The following SLC27A1 variants were observed in gnomAD, a reference collection of about 807,000 sequenced individuals.
SLC27A1 encodes the protein long-chain fatty acid transport protein 1.
A neutral mutation model predicts 62.2 loss-of-function variants in SLC27A1; 61 were observed. The ratio of observed to expected loss-of-function variants is 0.98; its 90% CI spans 0.80 to 1.21. The LOEUF (loss-of-function observed/expected upper bound fraction) is 1.21. SLC27A1 is among the 50% of genes most tolerant of loss of function. The pLI is 0.00. For synonymous variants in SLC27A1, 435 were observed against 408.6 expected, an observed-to-expected ratio of 1.06 and a Z score of -0.78; for missense variants, 903 against 932.1, an observed-to-expected ratio of 0.97 and a Z score of 0.41.
intron 6 of SLC27A1, among the ~76,000 whole-genome samples, chr19:17,491,927 C>G (rs2075298195): frequency 6.6e-6 from 1 of 151,998 alleles, no homozygotes; most frequent in African/African-American, 2.4e-5. Flanking sequence ...TCTGTAGGTG[C>G]CTTTTCTCTT....
intron 1 of SLC27A1, among the ~76,000 whole-genome samples, chr19:17,485,948 C>T (rs933419023): frequency 2.0e-5 from 3 of 152,228 alleles, no homozygotes; most frequent in African/African-American, 4.8e-5. Flanking sequence ...TCCCTGGGGC[C>T]TCTGCCCGTT....
chr19:17,487,816 C>T (rs1327104559), intron 4 of SLC27A1, among the ~76,000 whole-genome samples: 1 of 152,068 alleles, frequency 6.6e-6, no homozygotes, highest in African/African-American at 2.4e-5. Context: ...TCTGGGGCCC[C>T]TCTCATCCCC....
chr19:17,500,832 T>C lies in SLC27A1; in HGVS notation c.1592T>C (p.Leu531Pro), dbSNP rs1486308886. Residue 531 changes from leucine to proline, a missense_variant, in exon 10 of 12, where the codon CTG (leucine) becomes CCG (proline). Physicochemically the swap from Leu to Pro is moderately conservative, Grantham distance 98. Coordinates refer to ENST00000252595, the MANE Select transcript of SLC27A1 (RefSeq NM_198580.3). ...TTEVEGVLSR[L>P]LGQTDVAVYG... ...GAGGTGGAGGGCGTGCTGAGCCGCCTGCTGGGCCAGACAGACGTGGCCGTC... is the reference window on the plus strand; with the variant it reads ...GAGGTGGAGGGCGTGCTGAGCCGCCCGCTGGGCCAGACAGACGTGGCCGTC... The C allele has an allele frequency of 1.2e-6, 2 of 1,610,968 alleles. No individual in the cohort carries two copies. The highest frequency in any genetic ancestry group is 1.7e-6 in the Non-Finnish European group (2 of 1,179,130).
chr19:17,501,423 C>A lies in SLC27A1; in HGVS notation c.1783+4C>A. On this transcript the variant is annotated splice_donor_region_variant and intron_variant, in intron 11 of 11. Coordinates refer to ENST00000252595, the MANE Select transcript of SLC27A1 (RefSeq NM_198580.3). ...CTGCCCCAGGTGGACACCACAGGTGCGAGTCTCCCCCACTCCAATCTCTCT... is the reference window on the plus strand; with the variant it reads ...CTGCCCCAGGTGGACACCACAGGTGAGAGTCTCCCCCACTCCAATCTCTCT... The A allele has an allele frequency of 6.2e-7, 1 of 1,611,116 alleles. No individual in the cohort carries two copies. The highest frequency in any genetic ancestry group is 1.1e-5 in the South Asian group (1 of 90,882).
At chr19:17,501,164 G>A in intron 10 of SLC27A1, 109 bp from the exon 11 acceptor site, 1 of 1,448,938 alleles carries the variant, frequency 6.9e-7, no homozygotes, top group Non-Finnish European at 9.3e-7. Context: ...ATCCCAGGTT[G>A]GGAGAGACTG....
rs776801460 is a variant in SLC27A1 at position 17,501,433 on chromosome 19, C to T, written c.1783+14C>T. ...TGGACACCACAGGTGCGAGTCTCCC[C>T]CACTCCAATCTCTCTCTTCATCCAT... is the stretch of plus-strand genomic sequence containing the variant. On this transcript the variant is annotated intron_variant, in intron 11 of 11. Coordinates refer to ENST00000252595, the MANE Select transcript of SLC27A1 (RefSeq NM_198580.3). 23 of 1,607,632 alleles carry T rather than the reference C, an allele frequency of 1.4e-5. No homozygotes were observed. Among genetic ancestry groups the T allele is most frequent in the Non-Finnish European group, 5.1e-6 (6 of 1,176,934 alleles).
chr19:17,500,141 C>T lies in SLC27A1; in HGVS notation c.1207-137C>T, dbSNP rs1023593646. ...GGCGACGCTTACTACCCTGCTTTTG[C>T]AGATCAGCCAAGGTCACAGAGCTTA... On this transcript the variant is annotated intron_variant, in intron 7 of 11. Transcript: ENST00000252595. The T allele has an allele frequency of 7.9e-6, 11 of 1,391,934 alleles. No individual in the cohort carries two copies. In the African/African-American group the frequency reaches 1.4e-4, roughly 18 times the overall value. The allele number at this position is 1,391,934 out of a possible 1,614,324, so 86.2% of individuals were successfully genotyped here.
At chr19:17,477,089 A>G (rs763394033) in intron 1 of SLC27A1, among the ~76,000 whole-genome samples, 11 of 151,786 alleles carry the variant, frequency 7.2e-5, no homozygotes, top group Non-Finnish European at 1.0e-4. Flanking sequence ...GGGTTTTGCC[A>G]TGTTGGCCAG....
chr19:17,485,434 C>T (rs1201062687), intron 1 of SLC27A1, among the ~76,000 whole-genome samples: 1 of 151,758 alleles, frequency 6.6e-6, no homozygotes, highest in Non-Finnish European at 1.5e-5. Context: ...ATGATCCACC[C>T]GCCTCGGCCT....
chr19:17,497,252 C>G lies in SLC27A1; in HGVS notation c.997-3C>G, dbSNP rs766068282. 6.3e-6 allele frequency: 10 copies of G among 1,588,872 alleles called. No homozygotes were observed. In the South Asian group the frequency reaches 8.0e-5, roughly 13 times the overall value. ...TCACCCACTTCCTCACCCCGTCCCCCAGGTGGTTCAGTACATCGGGGAGAT... is the reference window on the plus strand; with the variant it reads ...TCACCCACTTCCTCACCCCGTCCCCGAGGTGGTTCAGTACATCGGGGAGAT... On this transcript the variant is annotated splice_polypyrimidine_tract_variant and splice_region_variant and intron_variant, in intron 6 of 11. Transcript: ENST00000252595.
intron 1 of SLC27A1, among the ~76,000 whole-genome samples, chr19:17,471,660 C>T (rs896885511): frequency 6.6e-6 from 1 of 152,094 alleles, no homozygotes; most frequent in Non-Finnish European, 1.5e-5. Context: ...GATGGAGTAG[C>T]AAGAGGGACT....
intron 1 of SLC27A1, among the ~76,000 whole-genome samples, chr19:17,480,065 T>TC (rs1179625382): frequency 6.6e-6 from 1 of 152,078 alleles, no homozygotes; most frequent in Admixed American, 6.6e-5. Context: ...TCTCACTCTG[T>TC]CACCCAGGCT....
chr19:17,491,947 C>T (rs959105508), intron 6 of SLC27A1, among the ~76,000 whole-genome samples: 1 of 152,142 alleles, frequency 6.6e-6, no homozygotes, highest in Non-Finnish European at 1.5e-5. Flanking sequence ...TTCTGTCTGT[C>T]TCTCTTCCCT....
At chr19:17,472,940 G>A (rs2075090738) in intron 1 of SLC27A1, among the ~76,000 whole-genome samples, 1 of 151,976 alleles carries the variant, frequency 6.6e-6, no homozygotes, top group African/African-American at 2.4e-5. Context: ...GACTACAAAC[G>A]CCTGCCTCCG....
At chr19:17,484,861 T>G (rs1384252443) in intron 1 of SLC27A1, among the ~76,000 whole-genome samples, 1 of 151,904 alleles carries the variant, frequency 6.6e-6, no homozygotes, top group Non-Finnish European at 1.5e-5. Flanking sequence ...GCAGGGGAGA[T>G]CCAAAGGATG....
Position 17,501,031 on chromosome 19 carries a change from C to G in SLC27A1, c.1636+155C>G, listed in dbSNP as rs112602141. ...AGCACTGGATCTGGAGCCAGTTCAC[C>G]TGGGTGATGTTGAGCCTCAGTTTTG... is the stretch of plus-strand genomic sequence containing the variant. On this transcript the variant is annotated intron_variant, in intron 10 of 11. Transcript: ENST00000252595. 9.2e-4 allele frequency: 998 copies of G among 1,088,366 alleles called. 7 individuals are homozygous for G. In the African/African-American group the frequency reaches 0.012, roughly 13 times the overall value. 67.4% of individuals were successfully genotyped at this position (1,088,366 alleles called of 1,614,324 possible).
chr19:17,487,047 C>T (rs753087442), intron 2 of SLC27A1, 90 bp downstream of exon 2: 4 of 1,547,796 alleles, frequency 2.6e-6, no homozygotes, highest in African/African-American at 2.7e-5. Context: ...CCTCGGAAGG[C>T]GGCCGCCCTG....
intron 7 of SLC27A1, 200 bp downstream of exon 7, chr19:17,497,664 A>T (rs2075365458): frequency 3.2e-6 from 2 of 632,334 alleles, no homozygotes; most frequent in Admixed American, 2.9e-5. Context: ...GCCTGCACAG[A>T]TAGTCATGTG....
chr19:17,474,174 G>A (rs916628761), intron 1 of SLC27A1, among the ~76,000 whole-genome samples: 12 of 151,994 alleles, frequency 7.9e-5, no homozygotes. Flanking sequence ...GAACTCCTGA[G>A]GTCAAGAGAT....
Sources: gnomAD v4.1 joint callset for allele counts (sites outside exome capture counted in the v4.1 genomes callset) on GRCh38, gnomAD v4.1.1 for gene constraint, MANE v1.5 for transcripts, NCBI Gene and HGNC (gene_info 2026-07-23, HGNC 2026-07-21) for gene names.